The following EXOC6B variants were observed in gnomAD, a reference collection of about 807,000 sequenced individuals.
EXOC6B encodes the protein exocyst complex component 6B, also known as SEC15 homolog B.
In EXOC6B, 54 loss-of-function variants were observed where a neutral mutation model predicts 113.5. The ratio of observed to expected loss-of-function variants is 0.48; its 90% CI spans 0.38 to 0.60. The LOEUF is 0.60. Among genes scored for constraint, EXOC6B ranks in the 20% least tolerant of loss-of-function variants. The pLI is 0.00. For missense variants in EXOC6B, 797 were observed against 977.5 expected, an observed-to-expected ratio of 0.82 and a Z score of 2.46; for synonymous variants, 357 against 339.0, an observed-to-expected ratio of 1.05 and a Z score of -0.58.
chr2:72,738,576 C>A (rs756011355), intron 2 of EXOC6B, among the ~76,000 whole-genome samples: 6 of 152,158 alleles, frequency 3.9e-5, no homozygotes, highest in Non-Finnish European at 7.4e-5. Flanking sequence ...ACTTAAAATA[C>A]AAAGAAAAGC....
At chr2:72,394,443 C>T (rs1297330010) in intron 18 of EXOC6B, among the ~76,000 whole-genome samples, 3 of 152,026 alleles carry the variant, frequency 2.0e-5, no homozygotes, top group African/African-American at 7.2e-5. Flanking sequence ...GGGTGACCCT[C>T]ATTACATCCC....
chr2:72,525,754 C>T (rs1043440583), intron 8 of EXOC6B, among the ~76,000 whole-genome samples: 1 of 152,004 alleles, frequency 6.6e-6, no homozygotes, highest in African/African-American at 2.4e-5. Context: ...ACTAAAATTA[C>T]ATCTCCCCAC....
chr2:72,469,724 G>A (rs1469819301), intron 17 of EXOC6B, among the ~76,000 whole-genome samples: 4 of 151,914 alleles, frequency 2.6e-5, no homozygotes, highest in Non-Finnish European at 5.9e-5. Context: ...ATAAGTTGTT[G>A]TTGGATAAAA....
Position 72,584,382 on chromosome 2 carries a change from C to T in EXOC6B, c.670-8714G>A, listed in dbSNP as rs1705417495. 2.6e-5 allele frequency among the ~76,000 whole-genome samples: 4 copies of T among 152,098 alleles called. No homozygotes were observed. The South Asian group carries it at 8.3e-4, about 31-fold the overall frequency. On this transcript the variant is annotated intron_variant, in intron 6 of 21. Coordinates refer to ENST00000272427, the MANE Select transcript of EXOC6B (RefSeq NM_015189.3). ...TACCATTCTTATATCTGATAAATCACACTTTAAGCCAACAACTATAAAAAA... is the reference window on the plus strand; with the variant it reads ...TACCATTCTTATATCTGATAAATCATACTTTAAGCCAACAACTATAAAAAA...
At chr2:72,765,941 G>T (rs547220177) in intron 1 of EXOC6B, among the ~76,000 whole-genome samples, 1 of 152,282 alleles carries the variant, frequency 6.6e-6, no homozygotes, top group African/African-American at 2.4e-5. Flanking sequence ...GGCATAAGAG[G>T]TTAGAATCCT....
intron 20 of EXOC6B, among the ~76,000 whole-genome samples, chr2:72,190,609 T>A (rs987961975): frequency 2.6e-5 from 4 of 152,186 alleles, no homozygotes; most frequent in Non-Finnish European, 5.9e-5. Context: ...ATCTAGTTTC[T>A]CGTTTATCCT....
chr2:72,406,270 C>T (rs1693754696), intron 18 of EXOC6B, among the ~76,000 whole-genome samples: 1 of 152,036 alleles, frequency 6.6e-6, no homozygotes, highest in African/African-American at 2.4e-5. Context: ...TTTAACACCC[C>T]ACTGTCAACA....
At chr2:72,780,396 T>A (rs187133829) in intron 1 of EXOC6B, among the ~76,000 whole-genome samples, 1 of 152,226 alleles carries the variant, frequency 6.6e-6, no homozygotes, top group Non-Finnish European at 1.5e-5. Context: ...AACCTGATTA[T>A]ACAAAGATTT....
chr2:72,601,124 ATGTGTGTGTGTGTGTGTG>A (rs61668760), intron 6 of EXOC6B, among the ~76,000 whole-genome samples: 267 of 138,676 alleles, frequency 1.9e-3, no homozygotes, highest in African/African-American at 6.8e-3. Context: ...GTGTGTGTGT[ATGTGTGTGTGTGTGTGTG>A]TGTGTGTGTG....
At chr2:72,612,088 CAA>C (rs1671107422) in intron 6 of EXOC6B, among the ~76,000 whole-genome samples, 3 of 151,944 alleles carry the variant, frequency 2.0e-5, no homozygotes, top group Admixed American at 2.0e-4. Context: ...CTAGCCTGGG[CAA>C]CATGGCAAAA....
intron 20 of EXOC6B, among the ~76,000 whole-genome samples, chr2:72,227,179 C>T (rs1251849147): frequency 6.6e-6 from 1 of 152,080 alleles, no homozygotes; most frequent in Non-Finnish European, 1.5e-5. Context: ...GATAGAGGTT[C>T]TCAGATTGTA....
intron 18 of EXOC6B, among the ~76,000 whole-genome samples, chr2:72,434,618 C>T (rs1372476151): frequency 6.6e-6 from 1 of 152,162 alleles, no homozygotes; most frequent in Non-Finnish European, 1.5e-5. Context: ...TCAACTTCTT[C>T]CTGGTTTAGT....
chr2:72,198,478 G>A (rs1256278573), intron 20 of EXOC6B, among the ~76,000 whole-genome samples: 3 of 152,190 alleles, frequency 2.0e-5, no homozygotes, highest in Non-Finnish European at 2.9e-5. Flanking sequence ...CTTAGATAAC[G>A]TTATTGGATC....
At chr2:72,253,919 G>A (rs539359146) in intron 20 of EXOC6B, among the ~76,000 whole-genome samples, 14 of 152,244 alleles carry the variant, frequency 9.2e-5, no homozygotes, top group South Asian at 2.1e-4. Context: ...CCAGCACTTC[G>A]GGAGGCTGAG....
At chr2:72,401,459 T>A (rs1163695051) in intron 18 of EXOC6B, among the ~76,000 whole-genome samples, 1 of 133,080 alleles carries the variant, frequency 7.5e-6, no homozygotes, top group Non-Finnish European at 1.6e-5. Context: ...CAAAACTCCG[T>A]ATTTAAAAAA....
chr2:72,183,686 T>G (rs919611138), intron 21 of EXOC6B, among the ~76,000 whole-genome samples: 10 of 152,128 alleles, frequency 6.6e-5, no homozygotes, highest in African/African-American at 2.4e-4. Flanking sequence ...GGAGTTGCAC[T>G]ATCCATCATC....
intron 6 of EXOC6B, among the ~76,000 whole-genome samples, chr2:72,671,771 GAA>G (rs767224238): frequency 2.3e-5 from 2 of 88,354 alleles, no homozygotes; most frequent in South Asian, 6.9e-4. Context: ...AAGAAAGAAA[GAA>G]AGAAAGAAAG....
At chr2:72,515,014 T>G in intron 9 of EXOC6B, 29 bp downstream of exon 9, 4 of 1,565,402 alleles carry the variant, frequency 2.6e-6, no homozygotes, top group Non-Finnish European at 3.5e-6. Flanking sequence ...AAAGTAAAAA[T>G]GTGAGAAAAG....
intron 20 of EXOC6B, among the ~76,000 whole-genome samples, chr2:72,306,505 A>G (rs1248914780): frequency 6.6e-6 from 1 of 152,230 alleles, no homozygotes; most frequent in Non-Finnish European, 1.5e-5. Context: ...TATAATTAAC[A>G]TACAATAGTT....
Sources: gnomAD v4.1 joint callset for allele counts (sites outside exome capture counted in the v4.1 genomes callset) on GRCh38, gnomAD v4.1.1 for gene constraint, MANE v1.5 for transcripts, NCBI Gene and HGNC (gene_info 2026-07-23, HGNC 2026-07-21) for gene names.